The following KIF1B variants were observed in gnomAD, a reference collection of about 807,000 sequenced individuals.
The protein encoded by KIF1B is kinesin family member 1B, also known as kinesin-like protein KIF1B.
Under a neutral mutation model 241.9 loss-of-function variants are expected in KIF1B, and 76 were observed. The observed-to-expected ratio is 0.31, with a 90% CI of 0.26 to 0.38. The LOEUF is 0.38. Ranked by LOEUF, KIF1B falls within the 10% of genes least tolerant of loss-of-function variation. The probability of loss-of-function intolerance (pLI) is 1.00; values close to 1 mark genes in which losing one functional copy is unlikely to be tolerated. For synonymous variants in KIF1B, 750 were observed against 796.7 expected (o/e 0.94, Z 0.99); for missense variants, 1,622 against 2,271.4 (o/e 0.71, Z 5.81).
intron 38 of KIF1B, among the ~76,000 whole-genome samples, chr1:10,355,784 T>C (rs1420418245): frequency 6.6e-6 from 1 of 152,190 alleles, no homozygotes; most frequent in Non-Finnish European, 1.5e-5. Context: ...CTGAGTCCAT[T>C]GCAGTCTTGC....
chr1:10,212,915 T>TATATATATAC (rs1646715039), intron 1 of KIF1B, among the ~76,000 whole-genome samples: 1 of 121,676 alleles, frequency 8.2e-6, no homozygotes, highest in Non-Finnish European at 1.7e-5. Flanking sequence ...TATATATATA[T>TATATATATAC]ATATATATAT....
At chr1:10,258,776 T>G (rs1211226227) in intron 4 of KIF1B, 104 bp downstream of exon 4, 6 of 1,157,594 alleles carry the variant, frequency 5.2e-6, no homozygotes, top group Non-Finnish European at 7.5e-6. Context: ...CGGGGATTGT[T>G]TTATGTCAGG....
rs1042553007 is a variant in KIF1B at position 10,273,023 on chromosome 1, A to G, written c.874A>G (p.Thr292Ala). The G allele has an allele frequency of 4.5e-6, 7 of 1,546,690 alleles. No individual in the cohort carries two copies. The highest frequency in any genetic ancestry group is 6.1e-6 in the Non-Finnish European group (7 of 1,143,642). ...ATGCTTTCACCTGTAGGATAACTGC[A>G]CTAGCAAGGTACAGTGGGGATTGGT... is the stretch of plus-strand genomic sequence containing the variant. ...ISALAEVDNC[T>A]SKSKKKKKTD... Residue 292 changes from threonine (T) to alanine (A), a missense_variant, in exon 10 of 49, where the codon ACT becomes GCT. Thr to Ala is a moderately conservative substitution (Grantham distance 58). Coordinates refer to ENST00000676179, the MANE Select transcript of KIF1B (RefSeq NM_001365951.3).
intron 20 of KIF1B, 30 bp downstream of exon 20, chr1:10,296,695 G>C: frequency 6.3e-7 from 1 of 1,588,780 alleles, no homozygotes; most frequent in South Asian, 1.1e-5. Flanking sequence ...GCCATCTTCA[G>C]CAATGTGCAC....
intron 1 of KIF1B, among the ~76,000 whole-genome samples, chr1:10,215,172 A>ATATATATATATATT (rs1377684765): frequency 8.8e-5 from 4 of 45,350 alleles, no homozygotes; most frequent in Non-Finnish European, 1.5e-4. Context: ...ATATATATAT[A>ATATATATATATATT]TTTTTTTTTT....
intron 45 of KIF1B, among the ~76,000 whole-genome samples, chr1:10,373,257 CTT>C (rs35038013): frequency 7.4e-4 from 95 of 128,188 alleles, no homozygotes; most frequent in Admixed American, 8.6e-4. Flanking sequence ...CTGCGCCGGC[CTT>C]TTTTTTTTTT....
At chr1:10,276,535 ACTTAGGG>A (rs1352468827) in intron 12 of KIF1B, 136 bp downstream of exon 12, 9 of 701,786 alleles carry the variant, frequency 1.3e-5, no homozygotes, top group Admixed American at 8.7e-5. Context: ...AACAGGGAAA[ACTTAGGG>A]AAAAAGTGAT....
chr1:10,211,987 C>T (rs1223930473), intron 1 of KIF1B, among the ~76,000 whole-genome samples: 1 of 152,062 alleles, frequency 6.6e-6, no homozygotes, highest in Non-Finnish European at 1.5e-5. Context: ...TGATAGTGGG[C>T]GAGGCTAGTG....
rs759301046 is a variant in KIF1B, at chr1:10,321,867, A to AGGAG, written c.2358+12_2358+15dup. 11 of 1,614,068 alleles carry AGGAG rather than the reference A, an allele frequency of 6.8e-6. No individual in the cohort carries two copies. The Admixed American group carries it at 8.3e-5, about 12-fold the overall frequency. On this transcript the variant is annotated intron_variant, in intron 24 of 48. Coordinates refer to ENST00000676179, the MANE Select transcript of KIF1B (RefSeq NM_001365951.3). ...GGAACTGAAAAAGAAGGTATGGAGC[A>AGGAG]GGAGGACACAGGAGAGCTGGAGGCA...
intron 38 of KIF1B, 135 bp from the exon 39 acceptor site, chr1:10,360,794 G>C: frequency 1.4e-6 from 1 of 725,194 alleles, no homozygotes; most frequent in Non-Finnish European, 2.5e-6. Flanking sequence ...GTTCCTCTCT[G>C]TTATTAGAGT....
At chr1:10,272,582 G>C (rs1052920186) in intron 9 of KIF1B, 2 of 517,952 alleles carry the variant, frequency 3.9e-6, no homozygotes, top group Non-Finnish European at 6.9e-6. Flanking sequence ...CTTATTTTAT[G>C]TTTCTCACAA....
At chr1:10,316,457 A>G (rs1333134377) in intron 22 of KIF1B, among the ~76,000 whole-genome samples, 1 of 151,490 alleles carries the variant, frequency 6.6e-6, no homozygotes, top group Non-Finnish European at 1.5e-5. Context: ...CCTGTTTCCC[A>G]TGCATCTTTT....
intron 1 of KIF1B, among the ~76,000 whole-genome samples, chr1:10,217,509 GTT>G (rs775074883): frequency 5.3e-5 from 8 of 151,622 alleles, no homozygotes; most frequent in Non-Finnish European, 1.2e-4. Context: ...TAGAGACGGT[GTT>G]TCACCATGTT....
At chr1:10,311,901 G>A (rs1651083844) in intron 22 of KIF1B, among the ~76,000 whole-genome samples, 1 of 151,416 alleles carries the variant, frequency 6.6e-6, no homozygotes, top group Admixed American at 6.6e-5. Context: ...CCTTTTACAT[G>A]TTTTGACTCA....
intron 22 of KIF1B, chr1:10,306,228 A>C (rs115354754): frequency 0.025 from 25,896 of 1,041,476 alleles, 390 homozygotes; most frequent in Non-Finnish European, 0.028. Flanking sequence ...GAAGTCTTCA[A>C]CTGAGGTTTT....
At chr1:10,336,611 C>T in intron 28 of KIF1B, 46 bp from the exon 29 acceptor site, 1 of 1,449,194 alleles carries the variant, frequency 6.9e-7, no homozygotes. Context: ...CTCCCTCCCC[C>T]TGTGTAGTCT....
At position 10,337,550 on chromosome 1, in the gene KIF1B, C is replaced by G. The variant is rs771225448; in HGVS notation, c.3422+17C>G. ...TCAGTTCAAGTAAGCTGCCCCTTTGCTCTGCCTCCCAGCTAGCTGCTAACC... is the reference window on the plus strand; with the variant it reads ...TCAGTTCAAGTAAGCTGCCCCTTTGGTCTGCCTCCCAGCTAGCTGCTAACC... On this transcript the variant is annotated intron_variant, in intron 31 of 48. Coordinates refer to ENST00000676179, the MANE Select transcript of KIF1B (RefSeq NM_001365951.3). This position sits in a 1 kb window ranked among gnomAD's most constrained non-coding sequence, Gnocchi z 4.0. 2 of 1,614,126 alleles carry G rather than the reference C, an allele frequency of 1.2e-6. No individual in the cohort carries two copies. The highest frequency in any genetic ancestry group is 1.7e-6 in the Non-Finnish European group (2 of 1,179,946).
chr1:10,302,454 G>A (rs1650589536), intron 22 of KIF1B, among the ~76,000 whole-genome samples: 1 of 152,156 alleles, frequency 6.6e-6, no homozygotes, highest in Non-Finnish European at 1.5e-5. Flanking sequence ...GAAAACATTT[G>A]GTTGACTAAG....
intron 1 of KIF1B, among the ~76,000 whole-genome samples, chr1:10,228,658 G>A (rs1290523490): frequency 6.6e-6 from 1 of 152,122 alleles, no homozygotes; most frequent in Admixed American, 6.6e-5. Context: ...AAAGGCCCCC[G>A]TGTCATTCTG....
Sources: gnomAD v4.1 joint callset for allele counts (sites outside exome capture counted in the v4.1 genomes callset) on GRCh38, gnomAD v4.1.1 for gene constraint, Gnocchi (gnomAD v3.1) non-coding constraint, MANE v1.5 for transcripts, NCBI Gene and HGNC (gene_info 2026-07-23, HGNC 2026-07-21) for gene names.